The following GRIN3A variants were observed in gnomAD, a reference collection of about 807,000 sequenced individuals.
GRIN3A encodes glutamate receptor ionotropic, NMDA 3A.
Under a neutral mutation model 92.4 loss-of-function variants are expected in GRIN3A, and 47 were observed. That is an observed-to-expected ratio of 0.51 (90% confidence interval 0.40 to 0.65). GRIN3A has a LOEUF of 0.65. Ranked by LOEUF, GRIN3A falls within the 30% of genes least tolerant of loss-of-function variation. The pLI is 0.00. For synonymous variants in GRIN3A, 527 were observed against 540.6 expected (o/e 0.97, Z 0.35); for missense variants, 1,324 against 1,393.1 (o/e 0.95, Z 0.79).
At chr9:101,600,818 A>T (rs1237746422) in intron 6 of GRIN3A, 1 of 152,356 alleles carries the variant, frequency 6.6e-6, no homozygotes, top group Non-Finnish European at 1.5e-5. Flanking sequence ...ACCATTCCCC[A>T]TACACTGAAG....
chr9:101,737,821 C>T lies in GRIN3A; in HGVS notation c.159G>A (p.Val53=). 6.5e-7 allele frequency: 1 copy of T among 1,532,102 alleles called. No individual in the cohort carries two copies. Among genetic ancestry groups the T allele is most frequent in the South Asian group, 1.2e-5 (1 of 83,812 alleles). The allele number at this position is 1,532,102 out of a possible 1,614,324, so 94.9% of individuals were successfully genotyped here. The stretch of plus-strand genomic sequence containing the variant: ...GGGCGGTGGTCCAGGGCTGCAAGTG[C>T]ACCGCGCCCACCCTCACCGCGTGCC... The part of the protein sequence containing the change: ...RIGHAVRVGA[V]HLQPWTTAPR... The change falls in exon 1 of 9, where the codon GTG becomes GTA. Residue 53 remains valine (V), a synonymous_variant. Coordinates refer to ENST00000361820, the MANE Select transcript of GRIN3A (RefSeq NM_133445.3).
chr9:101,685,296 C>G (rs1829518010), intron 2 of GRIN3A, among the ~76,000 whole-genome samples: 1 of 142,454 alleles, frequency 7.0e-6, no homozygotes, highest in Admixed American at 7.1e-5. Context: ...ACCCCTTGAC[C>G]TTTTATCATG....
chr9:101,715,998 T>C (rs1324448424), intron 1 of GRIN3A, among the ~76,000 whole-genome samples: 2 of 152,216 alleles, frequency 1.3e-5, no homozygotes, highest in Admixed American at 6.5e-5. Context: ...GAAAGCAATC[T>C]TTCTAGAGCA....
At chr9:101,661,552 A>G (rs1050346115) in intron 3 of GRIN3A, among the ~76,000 whole-genome samples, 2 of 151,876 alleles carry the variant, frequency 1.3e-5, no homozygotes, top group Non-Finnish European at 2.9e-5. Context: ...AGGCTCTTCA[A>G]TATCATTTCT....
chr9:101,687,312 T>A, intron 1 of GRIN3A, 112 bp from the exon 2 acceptor site: 1 of 1,014,164 alleles, frequency 9.9e-7, no homozygotes, highest in Non-Finnish European at 1.5e-6. Context: ...CTGTGATACA[T>A]AGTTCTGGGA....
chr9:101,621,298 A>AC (rs1564128615), intron 5 of GRIN3A, among the ~76,000 whole-genome samples: 4 of 147,798 alleles, frequency 2.7e-5, no homozygotes, highest in Admixed American at 6.7e-5. Flanking sequence ...AAAAAAAAAA[A>AC]CAATTTGTGA....
At chr9:101,583,534 T>G (rs753579259) in intron 6 of GRIN3A, among the ~76,000 whole-genome samples, 2 of 152,176 alleles carry the variant, frequency 1.3e-5, no homozygotes, top group Non-Finnish European at 2.9e-5. Context: ...TACTCATTAT[T>G]GGTCAGAGGA....
At chr9:101,628,603 T>G (rs1312673357) in intron 3 of GRIN3A, among the ~76,000 whole-genome samples, 1 of 152,176 alleles carries the variant, frequency 6.6e-6, no homozygotes, top group Admixed American at 6.5e-5. Context: ...AGCAAACAGA[T>G]GGAAACGACA....
intron 6 of GRIN3A, among the ~76,000 whole-genome samples, chr9:101,613,086 T>C (rs2118846755): frequency 6.6e-6 from 1 of 152,356 alleles, no homozygotes; most frequent in Middle Eastern, 3.4e-3. Flanking sequence ...TTGCTGTAAT[T>C]CAGAACAGCA....
At chr9:101,634,194 A>T (rs1189208192) in intron 3 of GRIN3A, among the ~76,000 whole-genome samples, 1 of 151,868 alleles carries the variant, frequency 6.6e-6, no homozygotes, top group Non-Finnish European at 1.5e-5. Context: ...TTAGTTGGGA[A>T]TGGTGGCGGG....
chr9:101,724,757 T>C (rs1047486499), intron 1 of GRIN3A, among the ~76,000 whole-genome samples: 6 of 152,242 alleles, frequency 3.9e-5, no homozygotes, highest in Non-Finnish European at 7.3e-5. Flanking sequence ...GTTGCCACCA[T>C]GTAAGAAGTG....
chr9:101,647,318 C>A (rs1299445649), intron 3 of GRIN3A, among the ~76,000 whole-genome samples: 1 of 151,672 alleles, frequency 6.6e-6, no homozygotes, highest in African/African-American at 2.4e-5. Context: ...TGTGTTGAAC[C>A]ATCCTTCTGT....
intron 1 of GRIN3A, among the ~76,000 whole-genome samples, chr9:101,704,164 AATCAT>A (rs1829786552): frequency 6.6e-6 from 1 of 152,188 alleles, no homozygotes; most frequent in African/African-American, 2.4e-5. Context: ...ATTAAAAAAA[AATCAT>A]TATGGGACAG....
chr9:101,703,661 T>C (rs1829779781), intron 1 of GRIN3A, among the ~76,000 whole-genome samples: 1 of 152,234 alleles, frequency 6.6e-6, no homozygotes, highest in Non-Finnish European at 1.5e-5. Flanking sequence ...GCTGACTTAC[T>C]GACTCAGGAT....
Position 101,572,800 on chromosome 9 carries a change from A to G in GRIN3A, c.*374T>C, listed in dbSNP as rs1827777360. 2 of 275,790 alleles carry G rather than the reference A, an allele frequency of 7.3e-6. No individual in the cohort carries two copies. The highest frequency in any genetic ancestry group is 8.4e-5 in the East Asian group (1 of 11,896). The allele number at this position is 275,790 out of a possible 1,614,324, so 17.1% of individuals were successfully genotyped here. A position where few individuals can be genotyped will look rare whatever the true frequency, so the allele number is the denominator to read the frequency against. ...CGATGAAAACCAGCAACCCAGTAAG[A>G]CATAAGTGTGAGTAACAATTTTATC... On this transcript the variant is annotated 3_prime_UTR_variant, in exon 9 of 9. Coordinates refer to ENST00000361820, the MANE Select transcript of GRIN3A (RefSeq NM_133445.3).
At chr9:101,619,407 A>G (rs1266037206) in intron 5 of GRIN3A, among the ~76,000 whole-genome samples, 2 of 152,158 alleles carry the variant, frequency 1.3e-5, no homozygotes, top group African/African-American at 4.8e-5. Flanking sequence ...TCCTGGAAGA[A>G]TTTTACAGTT....
chr9:101,596,334 T>A (rs1828131708), intron 6 of GRIN3A, among the ~76,000 whole-genome samples: 1 of 152,086 alleles, frequency 6.6e-6, no homozygotes, highest in Non-Finnish European at 1.5e-5. Context: ...CCAATTAGAC[T>A]GTTATATTGG....
At chr9:101,601,459 G>A (rs1681730751) in intron 6 of GRIN3A, among the ~76,000 whole-genome samples, 1 of 152,330 alleles carries the variant, frequency 6.6e-6, no homozygotes, top group Admixed American at 6.5e-5. Context: ...AAGAGCCTGA[G>A]CTGGGATGCA....
At chr9:101,694,801 G>A (rs911511339) in intron 1 of GRIN3A, among the ~76,000 whole-genome samples, 5 of 152,146 alleles carry the variant, frequency 3.3e-5, no homozygotes. Context: ...CAGGCAAGAT[G>A]TTCCAACATG....
Sources: gnomAD v4.1 joint callset for allele counts (sites outside exome capture counted in the v4.1 genomes callset) on GRCh38, gnomAD v4.1.1 for gene constraint, MANE v1.5 for transcripts, NCBI Gene and HGNC (gene_info 2026-07-23, HGNC 2026-07-21) for gene names.